The following RDX variants were observed in gnomAD, a reference collection of about 807,000 sequenced individuals.
RDX encodes deafness, autosomal recessive 24.
A neutral mutation model predicts 83.7 loss-of-function variants in RDX; 32 were observed. That is an observed-to-expected ratio of 0.38 (90% confidence interval 0.29 to 0.51). The LOEUF is 0.51. Ranked by LOEUF, RDX falls within the 20% of genes least tolerant of loss-of-function variation. RDX has a pLI of 0.87. For synonymous variants in RDX, 229 were observed against 222.7 expected (o/e 1.03, Z -0.25); for missense variants, 600 against 689.9 (o/e 0.87, Z 1.46).
chr11:110,253,734 G>T (rs1859427957), intron 9 of RDX, among the ~76,000 whole-genome samples: 1 of 151,998 alleles, frequency 6.6e-6, no homozygotes, highest in Non-Finnish European at 1.5e-5. Flanking sequence ...GTCACAAAAA[G>T]CTATTTTCTT....
chr11:110,279,031 C>T (rs1396318330), intron 2 of RDX, among the ~76,000 whole-genome samples: 1 of 152,132 alleles, frequency 6.6e-6, no homozygotes, highest in Non-Finnish European at 1.5e-5. Flanking sequence ...ATGGGTAACA[C>T]TTGCATCTAA....
intron 1 of RDX, among the ~76,000 whole-genome samples, chr11:110,295,795 A>G (rs1861430426): frequency 6.6e-6 from 1 of 152,242 alleles, no homozygotes; most frequent in Admixed American, 6.5e-5. Flanking sequence ...AGGGCCCGAG[A>G]AAGTTACAGG....
exon 15 of RDX, chr11:110,199,658 G>A: frequency 2.8e-6 from 2 of 703,028 alleles, no homozygotes; most frequent in South Asian, 3.0e-5. Flanking sequence ...CTGGAACAAT[G>A]CATACAGTTT....
At chr11:110,201,120 G>T (rs1448122067) in intron 14 of RDX, among the ~76,000 whole-genome samples, 1 of 146,056 alleles carries the variant, frequency 6.8e-6, no homozygotes, top group Non-Finnish European at 1.5e-5. Context: ...AGGTTACGGT[G>T]AGCCAAGATC....
At chr11:110,206,489 T>C (rs1266734187) in intron 14 of RDX, among the ~76,000 whole-genome samples, 1 of 152,120 alleles carries the variant, frequency 6.6e-6, no homozygotes, top group Non-Finnish European at 1.5e-5. Context: ...CTAGACATTA[T>C]ATTGTTGTAG....
In RDX at chr11:110,230,768, T is replaced by C. The variant is rs866551189; in HGVS notation, c.*1101A>G. Reference sequence around the variant, plus strand: ...AAAATTTAGCACTCTTAAGATATTCTGAAGGAAAATGAAATTTCGAAAGTA... The same window carrying C: ...AAAATTTAGCACTCTTAAGATATTCCGAAGGAAAATGAAATTTCGAAAGTA... On this transcript the variant is annotated 3_prime_UTR_variant, in exon 14 of 14. Transcript: ENST00000645495. 1 of 152,608 alleles carries C rather than the reference T, an allele frequency of 6.6e-6. No individual in the cohort carries two copies. Among genetic ancestry groups the C allele is most frequent in the South Asian group, 2.1e-4 (1 of 4,834 alleles). 9.5% of individuals were successfully genotyped at this position (152,608 alleles called of 1,614,324 possible). A position where few individuals can be genotyped will look rare whatever the true frequency, so the allele number is the denominator to read the frequency against.
intron 3 of RDX, among the ~76,000 whole-genome samples, chr11:110,266,572 ATT>A (rs565964694): frequency 6.9e-6 from 1 of 145,500 alleles, no homozygotes; most frequent in Non-Finnish European, 1.5e-5. Flanking sequence ...GTTTTTGCTT[ATT>A]TTTTTTTTTT....
intron 1 of RDX, among the ~76,000 whole-genome samples, chr11:110,293,385 T>C (rs945342065): frequency 6.6e-6 from 1 of 152,068 alleles, no homozygotes; most frequent in Non-Finnish European, 1.5e-5. Context: ...ACTTTTATAG[T>C]TTTTTTTAAA....
chr11:110,290,787 A>G (rs7104283), intron 1 of RDX, among the ~76,000 whole-genome samples: 5,989 of 152,208 alleles, frequency 0.039, 234 homozygotes, highest in African/African-American at 0.091. Context: ...AAGCAGCCAT[A>G]GATAATATGT....
At chr11:110,238,544 G>C (rs1451480013) in intron 10 of RDX, among the ~76,000 whole-genome samples, 7 of 152,144 alleles carry the variant, frequency 4.6e-5, no homozygotes, top group African/African-American at 2.4e-5. Context: ...AAATTTGAAA[G>C]CTAACTGTAA....
chr11:110,283,129 G>A (rs1038787961), intron 1 of RDX, among the ~76,000 whole-genome samples: 4 of 152,112 alleles, frequency 2.6e-5, no homozygotes, highest in Admixed American at 1.3e-4. Flanking sequence ...CTTGTAAAAT[G>A]AAAATGTAGA....
intron 14 of RDX, among the ~76,000 whole-genome samples, chr11:110,209,609 C>G (rs968503370): frequency 6.7e-6 from 1 of 150,042 alleles, no homozygotes; most frequent in African/African-American, 2.4e-5. Flanking sequence ...TTGAAGAGAG[C>G]AGTGGTTCTC....
chr11:110,210,674 G>A (rs1863800348), intron 14 of RDX, among the ~76,000 whole-genome samples: 1 of 150,846 alleles, frequency 6.6e-6, no homozygotes, highest in African/African-American at 2.4e-5. Flanking sequence ...AAGAGAGTGG[G>A]GGCCAATATT....
intron 14 of RDX, among the ~76,000 whole-genome samples, chr11:110,211,144 T>C (rs1224441174): frequency 6.6e-6 from 1 of 151,950 alleles, no homozygotes; most frequent in Non-Finnish European, 1.5e-5. Flanking sequence ...AGGATGAAGA[T>C]CTACCAAGCC....
At position 110,248,944 on chromosome 11, in the gene RDX, TA is replaced by T. The variant is rs555791361; in HGVS notation, c.960-1112del. On this transcript the variant is annotated intron_variant, in intron 9 of 13. Transcript: ENST00000645495. The stretch of plus-strand genomic sequence containing the variant: ...AATGACAGTAGGTGGCTAATGATCT[TA>T]AAAAATATCATCAGAGCTCAGTGGG... Among the ~76,000 whole-genome samples the T allele has an allele frequency of 7.2e-5, 11 of 152,284 alleles. No individual in the cohort carries two copies. The South Asian group carries it at 2.3e-3, about 32-fold the overall frequency.
At chr11:110,269,956 C>T (rs535246124) in intron 3 of RDX, among the ~76,000 whole-genome samples, 2 of 152,028 alleles carry the variant, frequency 1.3e-5, no homozygotes, top group Non-Finnish European at 2.9e-5. Context: ...GTGGGAGGAT[C>T]GCTTGAGCCT....
At chr11:110,281,037 T>G (rs949909062) in intron 1 of RDX, among the ~76,000 whole-genome samples, 1 of 151,528 alleles carries the variant, frequency 6.6e-6, no homozygotes, top group African/African-American at 2.4e-5. Flanking sequence ...TGATGGCAGG[T>G]GCCTGTAATC....
chr11:110,251,065 A>C (rs1859318301), intron 9 of RDX, among the ~76,000 whole-genome samples: 1 of 152,086 alleles, frequency 6.6e-6, no homozygotes, highest in Admixed American at 6.6e-5. Context: ...TTCTGAACGT[A>C]TCTCTTGCTC....
At chr11:110,184,442 A>T (rs1862946958) in intron 15 of RDX, among the ~76,000 whole-genome samples, 1 of 152,176 alleles carries the variant, frequency 6.6e-6, no homozygotes, top group Middle Eastern at 3.4e-3. Context: ...TGTGCAGAAC[A>T]AGATGCCCCC....
Sources: allele counts gnomAD v4.1 joint callset (sites outside exome capture counted in the v4.1 genomes callset), GRCh38; gene constraint gnomAD v4.1.1; transcripts MANE v1.5; gene names NCBI Gene and HGNC (gene_info 2026-07-23, HGNC 2026-07-21).